Variants in SH2B2 observed in about 807,000 individuals in gnomAD.
The protein encoded by SH2B2 is SH2B adapter protein 2.
Under a neutral mutation model 35.7 loss-of-function variants are expected in SH2B2, and 37 were observed. The observed-to-expected ratio is 1.04, with a 90% CI of 0.80 to 1.36. The LOEUF (loss-of-function observed/expected upper bound fraction) is 1.36, where lower values mean the gene tolerates loss of function less well. SH2B2 is among the 40% of genes most tolerant of loss of function. SH2B2 has a pLI of 0.00. For missense variants in SH2B2, 852 were observed against 817.7 expected (o/e 1.04, Z -0.51); for synonymous variants, 383 against 376.4 (o/e 1.02, Z -0.20).
chr7:102,285,564 C>A (rs1465105026), upstream of SH2B2, among the ~76,000 whole-genome samples: 1 of 152,222 alleles, frequency 6.6e-6, no homozygotes, highest in Admixed American at 6.5e-5. Flanking sequence ...AGGGCAGCAC[C>A]GGGGTTTTGG....
At chr7:102,309,182 G>A in intron 4 of SH2B2, 1 of 569,668 alleles carries the variant, frequency 1.8e-6, no homozygotes, top group Non-Finnish European at 3.3e-6. Flanking sequence ...GAGAGCCTCA[G>A]AGCACTGGGA....
intron 1 of SH2B2, among the ~76,000 whole-genome samples, chr7:102,288,110 C>G (rs782739330): frequency 6.6e-6 from 1 of 152,088 alleles, no homozygotes; most frequent in Non-Finnish European, 1.5e-5. Flanking sequence ...AGAGTCAGGT[C>G]CCTGGAGCTC....
chr7:102,307,180 G>T (rs1793437160), intron 3 of SH2B2, among the ~76,000 whole-genome samples: 1 of 152,366 alleles, frequency 6.6e-6, no homozygotes, highest in South Asian at 2.1e-4. Context: ...TTATGCAAAT[G>T]TTCCTGTCCC....
intron 6 of SH2B2, among the ~76,000 whole-genome samples, chr7:102,314,945 T>G (rs1421549458): frequency 6.6e-6 from 1 of 151,936 alleles, no homozygotes; most frequent in Non-Finnish European, 1.5e-5. Flanking sequence ...TCCCAACACT[T>G]TGGGAAGCCA....
chr7:102,295,331 C>T (rs887168282), intron 1 of SH2B2, among the ~76,000 whole-genome samples: 5 of 152,292 alleles, frequency 3.3e-5, no homozygotes, highest in African/African-American at 7.2e-5. Context: ...AGGTGGCCAC[C>T]GTCAGGAGCA....
At chr7:102,310,344 G>T (rs1360883129) in intron 4 of SH2B2, among the ~76,000 whole-genome samples, 1 of 152,168 alleles carries the variant, frequency 6.6e-6, no homozygotes, top group East Asian at 1.9e-4. Flanking sequence ...TTTAAAAGGT[G>T]TGCAAGTGTA....
At chr7:102,306,522 C>G (rs920158773) in intron 2 of SH2B2, among the ~76,000 whole-genome samples, 199 bp from the exon 3 acceptor site, 4 of 152,212 alleles carry the variant, frequency 2.6e-5, no homozygotes, top group Admixed American at 6.5e-5. Flanking sequence ...CCATGCCTAG[C>G]CAGGAAAAAT....
Position 102,300,918 on chromosome 7 carries a change from C to G in SH2B2, c.368C>G (p.Thr123Arg). 1 of 1,486,346 alleles carries G rather than the reference C, an allele frequency of 6.7e-7. No individual in the cohort carries two copies. The highest frequency in any genetic ancestry group is 8.9e-7 in the Non-Finnish European group (1 of 1,122,132). 92.1% of individuals were successfully genotyped at this position (1,486,346 alleles called of 1,614,324 possible). A position where few individuals can be genotyped will look rare whatever the true frequency, so the allele number is the denominator to read the frequency against. The change falls in exon 2 of 9, where the codon ACG (threonine) becomes AGG (arginine). Residue 123 changes from threonine to arginine, a missense_variant. Physicochemically the swap from Thr to Arg is moderately conservative, Grantham distance 71 (BLOSUM62 -1). Transcript: ENST00000444095. ...TCGCGGAGCTCGGAGGACGTGTCCA[C>G]GCACGCGGCCACCAAGGCCCGCGTT... ...GHSRSSEDVS[T>R]HAATKARVRK... is the part of the protein sequence containing the mutation.
intron 6 of SH2B2, among the ~76,000 whole-genome samples, chr7:102,315,688 A>C (rs1322455717): frequency 1.4e-5 from 2 of 141,394 alleles, no homozygotes; most frequent in Non-Finnish European, 3.1e-5. Flanking sequence ...CCTACAGTGA[A>C]CTGTGATCAC....
At chr7:102,295,329 A>G (rs1792859323) in intron 1 of SH2B2, among the ~76,000 whole-genome samples, 1 of 152,148 alleles carries the variant, frequency 6.6e-6, no homozygotes, top group African/African-American at 2.4e-5. Context: ...AGAGGTGGCC[A>G]CCGTCAGGAG....
chr7:102,321,260 C>A, intron 8 of SH2B2, 39 bp from the exon 9 acceptor site: 1 of 1,333,400 alleles, frequency 7.5e-7, no homozygotes, highest in Non-Finnish European at 9.6e-7. Flanking sequence ...TGTGGCCAGC[C>A]CAGGTCCCCA....
intron 1 of SH2B2, among the ~76,000 whole-genome samples, chr7:102,295,527 C>T (rs1220636123): frequency 1.3e-5 from 2 of 152,176 alleles, no homozygotes; most frequent in African/African-American, 4.8e-5. Context: ...CGTCTCCACC[C>T]CTCAGGGAAG....
chr7:102,300,945 G>C lies in SH2B2; in HGVS notation c.395G>C (p.Arg132Pro). Residue 132 changes from arginine to proline, a missense_variant, in exon 2 of 9, where the codon CGC (arginine) becomes CCC (proline). Arg to Pro is a moderately radical substitution (Grantham distance 103). Transcript: ENST00000444095. ...CACGCGGCCACCAAGGCCCGCGTTC[G>C]CAAGGGCTTCTCGCTGCGCAACATG... The part of the protein sequence containing the change: ...STHAATKARV[R>P]KGFSLRNMSL... 6.7e-7 allele frequency: 1 copy of C among 1,488,296 alleles called. No individual in the cohort carries two copies. Among genetic ancestry groups the C allele is most frequent in the South Asian group, 1.3e-5 (1 of 79,582 alleles). The allele number at this position is 1,488,296 out of a possible 1,614,324, so 92.2% of individuals were successfully genotyped here.
At chr7:102,293,906 C>A (rs1029638077) in intron 1 of SH2B2, among the ~76,000 whole-genome samples, 15 of 152,060 alleles carry the variant, frequency 9.9e-5, no homozygotes, top group Admixed American at 2.6e-4. Context: ...CTCAGCTGGT[C>A]TGTTTGGACA....
At chr7:102,317,851 G>A (rs1793914517) in intron 7 of SH2B2, among the ~76,000 whole-genome samples, 1 of 152,162 alleles carries the variant, frequency 6.6e-6, no homozygotes, top group South Asian at 2.1e-4. Context: ...CCCTGCCCAG[G>A]TTAGGTCACC....
intron 5 of SH2B2, 35 bp downstream of exon 5, chr7:102,314,462 C>G (rs1468413592): frequency 2.5e-6 from 1 of 398,606 alleles, no homozygotes; most frequent in Non-Finnish European, 4.4e-6. Flanking sequence ...GAGGGGCACA[C>G]TCAGGGTGGA....
At chr7:102,289,934 C>T (rs1554551468) in intron 1 of SH2B2, among the ~76,000 whole-genome samples, 2 of 152,130 alleles carry the variant, frequency 1.3e-5, no homozygotes, top group African/African-American at 4.8e-5. Flanking sequence ...CTGCAGAGCC[C>T]ATCCAGGAAC....
In SH2B2 at chr7:102,301,135, A is replaced by G. The variant is rs782205548; in HGVS notation, c.585A>G (p.Gln195=). 5 of 1,518,620 alleles carry G rather than the reference A, an allele frequency of 3.3e-6. No homozygotes were observed. The highest frequency in any genetic ancestry group is 2.2e-5 in the Admixed American group (1 of 44,640). The allele number at this position is 1,518,620 out of a possible 1,614,324, so 94.1% of individuals were successfully genotyped here. A position where few individuals can be genotyped will look rare whatever the true frequency, so the allele number is the denominator to read the frequency against. ...LAAKVELVDI[Q]REGALRFMVA... is the part of the protein sequence containing the mutation. ...CCAAGGTGGAGCTGGTGGACATTCA[A>G]CGCGAGGGGGCGCTGCGCTTCATGG... is the stretch of plus-strand genomic sequence containing the variant. Residue 195 remains glutamine, a synonymous_variant, in exon 2 of 9, where the codon CAA becomes CAG. Transcript: ENST00000444095.
chr7:102,292,885 C>T (rs1554551994), intron 1 of SH2B2, among the ~76,000 whole-genome samples: 1 of 152,184 alleles, frequency 6.6e-6, no homozygotes, highest in African/African-American at 2.4e-5. Flanking sequence ...GGGGGGGTCT[C>T]TTGGCAGTGG....
Sources: gnomAD v4.1 joint callset for allele counts (sites outside exome capture counted in the v4.1 genomes callset) on GRCh38, gnomAD v4.1.1 for gene constraint, MANE v1.5 for transcripts, NCBI Gene and HGNC (gene_info 2026-07-23, HGNC 2026-07-21) for gene names.